IMMT: variants seen among roughly 807,000 people sequenced by gnomAD.
IMMT encodes MICOS complex subunit MIC60.
In IMMT, 40 loss-of-function variants were observed where a neutral mutation model predicts 92.7. That is an observed-to-expected ratio of 0.43 (90% CI 0.34 to 0.56). The LOEUF (loss-of-function observed/expected upper bound fraction) is 0.56. IMMT is among the 20% of genes least tolerant of loss of function. The probability of loss-of-function intolerance (pLI) is 0.03; values close to 1 mark genes in which losing one functional copy is unlikely to be tolerated. For missense variants in IMMT, 831 were observed against 912.1 expected, an observed-to-expected ratio of 0.91 and a Z score of 1.14; for synonymous variants, 322 against 336.1, an observed-to-expected ratio of 0.96 and a Z score of 0.46.
At chr2:86,193,421 G>T (rs900216576) in intron 1 of IMMT, among the ~76,000 whole-genome samples, 104 of 122,386 alleles carry the variant, frequency 8.5e-4, no homozygotes, top group African/African-American at 3.0e-3. Context: ...AAAAAAAAAA[G>T]AAAGATGGGG....
chr2:86,177,557 C>T (rs1268928877), intron 3 of IMMT, among the ~76,000 whole-genome samples: 4 of 151,484 alleles, frequency 2.6e-5, no homozygotes, highest in African/African-American at 7.3e-5. Flanking sequence ...TCCGAGATCG[C>T]GCCACTGCAG....
intron 12 of IMMT, among the ~76,000 whole-genome samples, 169 bp from the exon 13 acceptor site, chr2:86,148,002 C>A (rs145250080): frequency 6.6e-6 from 1 of 152,182 alleles, no homozygotes; most frequent in Non-Finnish European, 1.5e-5. Flanking sequence ...GAAAACTAAA[C>A]CCTGGAAGGT....
At chr2:86,149,910 A>G (rs1350366595) in intron 12 of IMMT, among the ~76,000 whole-genome samples, 1 of 151,800 alleles carries the variant, frequency 6.6e-6, no homozygotes, top group African/African-American at 2.4e-5. Context: ...AAAGAAAAAG[A>G]AAAAATAGTG....
chr2:86,174,338 CTTTTA>C (rs1677293212), intron 3 of IMMT, among the ~76,000 whole-genome samples: 1 of 152,130 alleles, frequency 6.6e-6, no homozygotes, highest in Non-Finnish European at 1.5e-5. Flanking sequence ...GAGAAAATTA[CTTTTA>C]TTTTTATTTC....
intron 4 of IMMT, among the ~76,000 whole-genome samples, chr2:86,171,963 T>G (rs1162751384): frequency 7.2e-4 from 26 of 36,104 alleles, no homozygotes; most frequent in African/African-American, 2.4e-3. Context: ...TAGTATATTT[T>G]TTTTTTTTTT....
rs76427444 is a variant in IMMT at position 86,161,917 on chromosome 2, C to T, written c.896+59G>A. The T allele has an allele frequency of 2.0e-3, 2,127 of 1,076,948 alleles. 28 individuals are homozygous for T. The African/African-American group carries it at 0.027, about 14-fold the overall frequency. 66.7% of individuals were successfully genotyped at this position (1,076,948 alleles called of 1,614,324 possible). On this transcript the variant is annotated intron_variant, in intron 8 of 14. Transcript: ENST00000410111. ...CTATACAGACAATACAAAGAAAACC[C>T]GGCCCAAAGAAAGCCACCAGGAGGC...
chr2:86,159,284 C>T, intron 9 of IMMT: 1 of 492,676 alleles, frequency 2.0e-6, no homozygotes. Flanking sequence ...AGAGTTTCAC[C>T]ATGTTGCCCA....
At chr2:86,144,903 G>A (rs1234561690) in intron 14 of IMMT, 22 bp from the exon 15 acceptor site, 2 of 1,561,632 alleles carry the variant, frequency 1.3e-6, no homozygotes, top group African/African-American at 2.7e-5. Context: ...AAAAGGCAAA[G>A]CCAAACATTT....
In IMMT at chr2:86,194,947, G is replaced by A. The variant is rs143570068; in HGVS notation, c.45+391C>T. The A allele has an allele frequency of 8.3e-3, 1,851 of 223,950 alleles. 43 individuals carry two copies. The highest frequency in any genetic ancestry group is 0.076 in the East Asian group (751 of 9,824). 13.9% of individuals were successfully genotyped at this position (223,950 alleles called of 1,614,324 possible). On this transcript the variant is annotated intron_variant, in intron 1 of 14. Transcript: ENST00000410111. ...CTCCTTATTAAGGATGCAACAAGCC[G>A]CCGCTCCGCTCGTCCTGACGGGAAC...
chr2:86,182,870 A>T (rs965658915), intron 1 of IMMT, among the ~76,000 whole-genome samples: 4 of 151,940 alleles, frequency 2.6e-5, no homozygotes, highest in African/African-American at 9.7e-5. Flanking sequence ...CCTTAAAAAA[A>T]AAAACAAAAA....
intron 6 of IMMT, among the ~76,000 whole-genome samples, chr2:86,167,085 G>A (rs542190375): frequency 3.4e-5 from 5 of 145,294 alleles, no homozygotes; most frequent in East Asian, 2.1e-4. Flanking sequence ...GCGACAGAGC[G>A]AGACTCTCTC....
intron 7 of IMMT, among the ~76,000 whole-genome samples, chr2:86,165,274 C>T (rs1046360713): frequency 6.6e-6 from 1 of 152,246 alleles, no homozygotes; most frequent in Non-Finnish European, 1.5e-5. Context: ...TTGAACCCAA[C>T]ACCCTTACAT....
At chr2:86,155,442 C>G (rs1675789451) in intron 10 of IMMT, among the ~76,000 whole-genome samples, 1 of 152,150 alleles carries the variant, frequency 6.6e-6, no homozygotes, top group East Asian at 1.9e-4. Flanking sequence ...AATTACTTTT[C>G]TGTCTCACTT....
At chr2:86,192,583 G>C (rs1199215609) in intron 1 of IMMT, among the ~76,000 whole-genome samples, 1 of 152,090 alleles carries the variant, frequency 6.6e-6, no homozygotes, top group Non-Finnish European at 1.5e-5. Context: ...TATGGACACA[G>C]TTCCATTGTG....
At chr2:86,170,721 T>C (rs749923963) in intron 6 of IMMT, 28 bp downstream of exon 6, 9 of 1,482,346 alleles carry the variant, frequency 6.1e-6, no homozygotes, top group Non-Finnish European at 6.5e-6. Flanking sequence ...TGACCCAAAA[T>C]CCTTAAGAAG....
At chr2:86,157,561 G>A (rs953334879) in intron 10 of IMMT, among the ~76,000 whole-genome samples, 1 of 152,056 alleles carries the variant, frequency 6.6e-6, no homozygotes, top group African/African-American at 2.4e-5. Flanking sequence ...CAAGGTGGGC[G>A]AATCACTTGA....
chr2:86,155,090 T>C (rs1212937602), intron 10 of IMMT, among the ~76,000 whole-genome samples: 3 of 152,098 alleles, frequency 2.0e-5, no homozygotes, highest in Non-Finnish European at 4.4e-5. Context: ...CTTGAACGCC[T>C]AACCTCAGGC....
chr2:86,160,732 A>C (rs1342337766), intron 8 of IMMT, among the ~76,000 whole-genome samples: 1 of 152,212 alleles, frequency 6.6e-6, no homozygotes, highest in Non-Finnish European at 1.5e-5. Context: ...TCCTAGTTTT[A>C]GCCAACTTCC....
At chr2:86,158,831 A>T in intron 9 of IMMT, 110 bp from the exon 10 acceptor site, 1 of 902,688 alleles carries the variant, frequency 1.1e-6, no homozygotes. Context: ...GGAAATGTGT[A>T]AGGAAATCTG....
Sources: allele counts gnomAD v4.1 joint callset (sites outside exome capture counted in the v4.1 genomes callset), GRCh38; gene constraint gnomAD v4.1.1; transcripts MANE v1.5; gene names NCBI Gene and HGNC (gene_info 2026-07-23, HGNC 2026-07-21).